Variants in RBFOX1 observed in about 807,000 individuals in gnomAD.
RBFOX1 encodes the protein RNA binding protein fox-1 homolog 1.
RBFOX1 carries 8 observed loss-of-function variants against 57.7 expected under a neutral mutation model. The observed-to-expected ratio is 0.14, with a 90% CI of 0.08 to 0.25. The LOEUF is 0.25. Among genes scored for constraint, RBFOX1 ranks in the 10% least tolerant of loss-of-function variants. RBFOX1 has a pLI of 1.00. For synonymous variants in RBFOX1, 326 were observed against 222.4 expected (o/e 1.47, Z -4.15); for missense variants, 611 against 548.5 (o/e 1.11, Z -1.14).
intron 4 of RBFOX1, among the ~76,000 whole-genome samples, chr16:5,985,044 AGTG>A (rs2060258996): frequency 7.4e-6 from 1 of 135,480 alleles, no homozygotes; most frequent in African/African-American, 2.8e-5. Flanking sequence ...GTGCAGTAGT[AGTG>A]CGATCTTGGC....
At chr16:7,597,577 A>G in intron 9 of RBFOX1, 146 bp downstream of exon 9, 1 of 625,402 alleles carries the variant, frequency 1.6e-6, no homozygotes, top group Non-Finnish European at 2.7e-6. Flanking sequence ...TGAACCACCT[A>G]CATCAATAAG....
intron 3 of RBFOX1, among the ~76,000 whole-genome samples, chr16:7,025,263 A>G (rs1407777565): frequency 6.6e-6 from 1 of 152,116 alleles, no homozygotes; most frequent in East Asian, 1.9e-4. Context: ...TGATGTTGCC[A>G]TGGTGTTTGG....
chr16:7,237,614 A>G (rs1025085227), intron 4 of RBFOX1, among the ~76,000 whole-genome samples: 1 of 152,222 alleles, frequency 6.6e-6, no homozygotes, highest in Admixed American at 6.5e-5. Flanking sequence ...GTGACTTTAG[A>G]AAGTAAATTC....
chr16:6,537,911 C>A (rs1303491075), intron 2 of RBFOX1, among the ~76,000 whole-genome samples: 1 of 151,254 alleles, frequency 6.6e-6, no homozygotes, highest in Non-Finnish European at 1.5e-5. Flanking sequence ...AATGGAAGAA[C>A]CGGCCTAAAG....
intron 3 of RBFOX1, among the ~76,000 whole-genome samples, chr16:7,019,392 G>C (rs925588339): frequency 3.3e-5 from 5 of 152,132 alleles, no homozygotes; most frequent in Non-Finnish European, 5.9e-5. Context: ...GAAAGTATGT[G>C]TGTGTTTGTG....
chr16:7,038,674 C>G (rs377298909), intron 3 of RBFOX1, among the ~76,000 whole-genome samples: 2 of 152,150 alleles, frequency 1.3e-5, no homozygotes, highest in Non-Finnish European at 2.9e-5. Flanking sequence ...CTCCACGAGA[C>G]TGCATTCTTG....
At chr16:6,995,171 C>G (rs915906106) in intron 3 of RBFOX1, among the ~76,000 whole-genome samples, 1 of 152,152 alleles carries the variant, frequency 6.6e-6, no homozygotes, top group African/African-American at 2.4e-5. Flanking sequence ...GGACATTTCT[C>G]TTACAGTGTG....
At chr16:6,262,999 G>A (rs62016171) in intron 1 of RBFOX1, among the ~76,000 whole-genome samples, 24,832 of 152,134 alleles carry the variant, frequency 0.16, 2,491 homozygotes, top group Non-Finnish European at 0.23. Context: ...GATGACATCT[G>A]ATTTGTAGCC....
chr16:6,965,110 A>G (rs1444380187), intron 3 of RBFOX1, among the ~76,000 whole-genome samples: 1 of 151,936 alleles, frequency 6.6e-6, no homozygotes, highest in Admixed American at 6.6e-5. Flanking sequence ...AGGTGGGTTT[A>G]TCTAGACTCT....
intron 3 of RBFOX1, among the ~76,000 whole-genome samples, chr16:6,950,719 G>C (rs1159291999): frequency 6.6e-6 from 1 of 152,178 alleles, no homozygotes; most frequent in African/African-American, 2.4e-5. Context: ...GGAGAACAAT[G>C]CTGGGAAAGG....
intron 3 of RBFOX1, among the ~76,000 whole-genome samples, chr16:5,620,368 C>G (rs1482745937): frequency 1.3e-5 from 2 of 152,202 alleles, no homozygotes; most frequent in Non-Finnish European, 2.9e-5. Flanking sequence ...TACAGCATAG[C>G]AAGATCTGAG....
Position 6,769,393 on chromosome 16 carries a change from A to G in RBFOX1, c.-16+114743A>G, listed in dbSNP as rs180930121. On this transcript the variant is annotated intron_variant, in intron 3 of 15. Coordinates refer to ENST00000550418, the MANE Select transcript of RBFOX1 (RefSeq NM_018723.4). ...TGAGTATGTCTTTATCAGCAGCATG[A>G]AAACAGACTAAGAATACAGCAGTAC... Among the ~76,000 whole-genome samples the G allele has an allele frequency of 1.1e-4, 17 of 152,318 alleles. 1 individual carries two copies. In the East Asian group the frequency reaches 3.3e-3, roughly 29 times the overall value.
intron 2 of RBFOX1, among the ~76,000 whole-genome samples, chr16:6,514,075 T>C (rs1315322121): frequency 2.0e-5 from 3 of 152,188 alleles, no homozygotes; most frequent in African/African-American, 7.2e-5. Context: ...TCCGTAGCCA[T>C]TGGTCGTCAA....
At chr16:5,621,370 C>G (rs1171014127) in intron 3 of RBFOX1, among the ~76,000 whole-genome samples, 1 of 152,170 alleles carries the variant, frequency 6.6e-6, no homozygotes, top group African/African-American at 2.4e-5. Context: ...GTCATGATTT[C>G]CACAAGTGAA....
In RBFOX1 at chr16:6,959,604, A is replaced by G. The variant is rs556752615; in HGVS notation, c.-15-92453A>G. ...CAAGGCTGAACAGGCAGGCCTCTGT[A>G]ACAACTGTTCCAGCACTGACTGAGT... On this transcript the variant is annotated intron_variant, in intron 3 of 15. Coordinates refer to ENST00000550418, the MANE Select transcript of RBFOX1 (RefSeq NM_018723.4). Among the ~76,000 whole-genome samples the G allele has an allele frequency of 1.7e-3, 265 of 152,206 alleles. 1 individual carries two copies. Among genetic ancestry groups the G allele is most frequent in the African/African-American group, 6.1e-3 (252 of 41,538 alleles).
chr16:6,859,179 ATATATG>A (rs1261321912), intron 3 of RBFOX1, among the ~76,000 whole-genome samples: 6 of 87,102 alleles, frequency 6.9e-5, no homozygotes, highest in African/African-American at 3.2e-4. Flanking sequence ...ATATATGTAT[ATATATG>A]TATATATATA....
At chr16:6,651,091 G>A (rs565682242) in intron 2 of RBFOX1, among the ~76,000 whole-genome samples, 2 of 152,264 alleles carry the variant, frequency 1.3e-5, no homozygotes, top group South Asian at 2.1e-4. Context: ...TAGTGGAGAT[G>A]GAGTTTCACC....
intron 3 of RBFOX1, among the ~76,000 whole-genome samples, chr16:5,797,129 C>T (rs1363069573): frequency 6.6e-6 from 1 of 152,112 alleles, no homozygotes; most frequent in African/African-American, 2.4e-5. Context: ...GGGAGGGACT[C>T]TACAGTGGTG....
chr16:7,681,439 G>A (rs989829107), intron 14 of RBFOX1, among the ~76,000 whole-genome samples: 1 of 152,134 alleles, frequency 6.6e-6, no homozygotes, highest in South Asian at 2.1e-4. Context: ...TTCCATTAGC[G>A]CAGGCTACTT....
Sources: gnomAD v4.1 joint callset for allele counts (sites outside exome capture counted in the v4.1 genomes callset) on GRCh38, gnomAD v4.1.1 for gene constraint, MANE v1.5 for transcripts, NCBI Gene and HGNC (gene_info 2026-07-23, HGNC 2026-07-21) for gene names.